Variants in GSG1L observed in about 807,000 individuals in gnomAD.
GSG1L encodes germ cell-specific gene 1-like protein.
A neutral mutation model predicts 42.1 loss-of-function variants in GSG1L; 24 were observed. That is an observed-to-expected ratio of 0.57 (90% CI 0.41 to 0.80). The LOEUF (loss-of-function observed/expected upper bound fraction) is 0.80. GSG1L is among the 30% of genes least tolerant of loss of function. The pLI is 0.00. For synonymous variants in GSG1L, 215 were observed against 203.5 expected, an observed-to-expected ratio of 1.06 and a Z score of -0.48; for missense variants, 445 against 472.2, an observed-to-expected ratio of 0.94 and a Z score of 0.53.
intron 1 of GSG1L, among the ~76,000 whole-genome samples, chr16:28,062,721 G>T (rs1340533553): frequency 6.6e-6 from 1 of 152,224 alleles, no homozygotes; most frequent in Non-Finnish European, 1.5e-5. Context: ...GAGGGGGCGA[G>T]CGTGGAGATG....
chr16:27,892,204 C>T (rs1452043459), intron 2 of GSG1L, among the ~76,000 whole-genome samples: 1 of 152,110 alleles, frequency 6.6e-6, no homozygotes, highest in Non-Finnish European at 1.5e-5. Context: ...CCTCTAATCC[C>T]AGCGCTTTGA....
chr16:27,795,045 C>G (rs996199020), intron 6 of GSG1L, among the ~76,000 whole-genome samples: 1 of 152,138 alleles, frequency 6.6e-6, no homozygotes, highest in Admixed American at 6.5e-5. Context: ...GTTGTAATAG[C>G]CAGGTCAGCA....
At chr16:27,945,252 T>G (rs147989412) in intron 2 of GSG1L, among the ~76,000 whole-genome samples, 1 of 152,206 alleles carries the variant, frequency 6.6e-6, no homozygotes, top group Non-Finnish European at 1.5e-5. Context: ...AATTATACAC[T>G]TTAAACAGGC....
chr16:28,009,759 A>T (rs1236420939), intron 1 of GSG1L, among the ~76,000 whole-genome samples: 2 of 152,174 alleles, frequency 1.3e-5, no homozygotes, highest in African/African-American at 4.8e-5. Context: ...GGTGACCCTG[A>T]GGGAGTCACT....
intron 1 of GSG1L, among the ~76,000 whole-genome samples, chr16:27,966,477 C>A (rs780135961): frequency 1.3e-5 from 2 of 151,768 alleles, no homozygotes; most frequent in Admixed American, 6.6e-5. Context: ...GGCAACAGAG[C>A]AAGACCCCAT....
At chr16:27,913,747 T>C (rs1366984859) in intron 2 of GSG1L, among the ~76,000 whole-genome samples, 1 of 151,938 alleles carries the variant, frequency 6.6e-6, no homozygotes, top group Admixed American at 6.5e-5. Context: ...GTATTTACTA[T>C]CCAGATATTT....
At chr16:27,980,897 AAAAC>A (rs2085318018) in intron 1 of GSG1L, among the ~76,000 whole-genome samples, 1 of 111,530 alleles carries the variant, frequency 9.0e-6, no homozygotes, top group South Asian at 4.6e-4. Context: ...CAAAAACCAA[AAAAC>A]AAAAAAAAAA....
intron 6 of GSG1L, among the ~76,000 whole-genome samples, chr16:27,803,437 G>T (rs971602796): frequency 1.8e-4 from 27 of 152,114 alleles, no homozygotes; most frequent in African/African-American, 6.5e-4. Flanking sequence ...GCTCGACGCT[G>T]TGCCTTTGAC....
intron 3 of GSG1L, among the ~76,000 whole-genome samples, chr16:27,860,025 CT>C (rs1234909552): frequency 5.2e-5 from 3 of 58,028 alleles, no homozygotes; most frequent in Admixed American, 5.0e-4. Flanking sequence ...CTGGCAGGTG[CT>C]CCCAGCAGGG....
chr16:27,804,580 C>T (rs2082935185), intron 6 of GSG1L, among the ~76,000 whole-genome samples: 2 of 151,476 alleles, frequency 1.3e-5, no homozygotes, highest in South Asian at 4.2e-4. Flanking sequence ...CCAGCACCCA[C>T]AGGGCTGACG....
chr16:28,024,346 G>A (rs982941966), intron 1 of GSG1L, among the ~76,000 whole-genome samples: 4 of 152,172 alleles, frequency 2.6e-5, no homozygotes, highest in Admixed American at 1.3e-4. Flanking sequence ...AGGTGCTGCC[G>A]CCAACTCCGA....
At chr16:27,863,416 T>C (rs1418012204) in intron 3 of GSG1L, 2 of 151,794 alleles carry the variant, frequency 1.3e-5, no homozygotes. Context: ...ATTTGGTTCA[T>C]TTTTTTCAGG....
At chr16:27,873,936 C>T (rs1015460609) in intron 3 of GSG1L, among the ~76,000 whole-genome samples, 1 of 152,198 alleles carries the variant, frequency 6.6e-6, no homozygotes, top group Admixed American at 6.5e-5. Flanking sequence ...ATTGCAAATG[C>T]TTAAGGCATT....
intron 1 of GSG1L, among the ~76,000 whole-genome samples, chr16:28,006,791 G>T (rs1487238528): frequency 8.5e-5 from 13 of 152,196 alleles, no homozygotes; most frequent in Non-Finnish European, 1.5e-4. Context: ...GGTCAACCAA[G>T]CCCTCCGGTG....
chr16:27,807,099 G>A (rs977563), intron 6 of GSG1L, among the ~76,000 whole-genome samples: 47,948 of 152,144 alleles, frequency 0.32, 9,206 homozygotes, highest in African/African-American at 0.55. Context: ...ATGCATCTAA[G>A]CTGCCAAGAG....
intron 5 of GSG1L, among the ~76,000 whole-genome samples, chr16:27,825,221 C>A (rs777680115): frequency 2.6e-5 from 4 of 152,142 alleles, no homozygotes; most frequent in Non-Finnish European, 5.9e-5. Context: ...ACCAGAAAAC[C>A]CTGAATGAGC....
At chr16:27,844,070 C>G (rs9921382) in intron 4 of GSG1L, among the ~76,000 whole-genome samples, 41,547 of 152,080 alleles carry the variant, frequency 0.27, 6,066 homozygotes, top group Middle Eastern at 0.33. Flanking sequence ...CTCAGTGACT[C>G]TGGAACAAAC....
intron 1 of GSG1L, among the ~76,000 whole-genome samples, chr16:28,009,329 G>A (rs187814275): frequency 2.4e-4 from 37 of 152,182 alleles, no homozygotes; most frequent in Admixed American, 1.8e-3. Flanking sequence ...TGCCCTCAAA[G>A]TGGCCTTCCT....
At chr16:27,847,504 G>A (rs1277857874) in intron 3 of GSG1L, among the ~76,000 whole-genome samples, 2 of 152,208 alleles carry the variant, frequency 1.3e-5, no homozygotes, top group African/African-American at 2.4e-5. Context: ...TAAGAATTAA[G>A]AGACAATGTC....
Sources: gnomAD v4.1 joint callset for allele counts (sites outside exome capture counted in the v4.1 genomes callset) on GRCh38, gnomAD v4.1.1 for gene constraint, MANE v1.5 for transcripts, NCBI Gene and HGNC (gene_info 2026-07-23, HGNC 2026-07-21) for gene names.